SYT10: variants seen among roughly 807,000 people sequenced by gnomAD.
SYT10 encodes synaptotagmin 10.
SYT10 carries 31 observed loss-of-function variants against 51.1 expected under a neutral mutation model. The ratio of observed to expected loss-of-function variants is 0.61; its 90% confidence interval spans 0.46 to 0.82. SYT10 has a LOEUF of 0.82. SYT10 is among the 40% of genes least tolerant of loss of function. SYT10 has a pLI of 0.00. For synonymous variants in SYT10, 233 were observed against 225.9 expected (o/e 1.03, Z -0.28); for missense variants, 603 against 634.0 (o/e 0.95, Z 0.53).
intron 3 of SYT10, among the ~76,000 whole-genome samples, chr12:33,398,627 A>G (rs540673889): frequency 6.6e-6 from 1 of 152,302 alleles, no homozygotes; most frequent in African/African-American, 2.4e-5. Flanking sequence ...GAAAAATGTA[A>G]CACTTAAAAT....
intron 3 of SYT10, among the ~76,000 whole-genome samples, chr12:33,386,131 C>T (rs1189983709): frequency 1.3e-5 from 2 of 152,140 alleles, no homozygotes; most frequent in African/African-American, 4.8e-5. Context: ...AGCAATTCTC[C>T]TGTCTCAGCC....
At chr12:33,397,617 G>A (rs1866267890) in intron 3 of SYT10, among the ~76,000 whole-genome samples, 1 of 152,068 alleles carries the variant, frequency 6.6e-6, no homozygotes, top group Non-Finnish European at 1.5e-5. Context: ...TGAACCTAAA[G>A]ACACACCTAG....
In SYT10 at chr12:33,426,362, C is replaced by G. The variant is rs11052695; in HGVS notation, c.285G>C (p.Thr95=). The change falls in exon 2 of 7, where the codon ACG becomes ACC. Residue 95 remains threonine (T), a synonymous_variant. Transcript: ENST00000228567. Reference sequence around the variant, plus strand: ...GAGCACTTGAAATGCTCTGTGGAAGCGTAGTGATGTTGGAAGTCACAGGTT... The same window carrying G: ...GAGCACTTGAAATGCTCTGTGGAAGGGTAGTGATGTTGGAAGTCACAGGTT... ...KSKPVTSNIT[T]LPQSISSAPT... is the part of the protein sequence containing the mutation. 176,379 of 1,613,778 alleles carry G rather than the reference C, an allele frequency of 0.11. 10,796 individuals carry two copies. The highest frequency in any genetic ancestry group is 0.22 in the Admixed American group (12,936 of 59,966).
chr12:33,380,548 T>C (rs890907415), intron 5 of SYT10, among the ~76,000 whole-genome samples: 1 of 152,234 alleles, frequency 6.6e-6, no homozygotes, highest in Admixed American at 6.5e-5. Context: ...CAGGTCCTGC[T>C]TTCATAGCAA....
At chr12:33,400,588 A>AT (rs1565493923) in intron 3 of SYT10, among the ~76,000 whole-genome samples, 4 of 102,194 alleles carry the variant, frequency 3.9e-5, no homozygotes, top group East Asian at 5.7e-4. Context: ...CAAAAAAAAA[A>AT]ATTTCATTGA....
intron 1 of SYT10, among the ~76,000 whole-genome samples, chr12:33,430,861 AATTT>A: frequency 6.6e-6 from 1 of 152,118 alleles, no homozygotes; most frequent in Non-Finnish European, 1.5e-5. Flanking sequence ...CTTTGAAGTT[AATTT>A]ATTTATACTA....
chr12:33,399,767 T>C (rs1009911945), intron 3 of SYT10, among the ~76,000 whole-genome samples: 9 of 152,200 alleles, frequency 5.9e-5, no homozygotes, highest in Non-Finnish European at 1.2e-4. Flanking sequence ...TGAAGTTAAA[T>C]TTAATTTTAA....
chr12:33,424,372 A>T (rs1020669154), intron 2 of SYT10, among the ~76,000 whole-genome samples: 5 of 152,174 alleles, frequency 3.3e-5, no homozygotes, highest in African/African-American at 1.2e-4. Context: ...GAGTATCCAC[A>T]TATAATCTGT....
intron 3 of SYT10, among the ~76,000 whole-genome samples, chr12:33,396,594 G>C (rs1866257860): frequency 6.6e-6 from 1 of 151,982 alleles, no homozygotes; most frequent in African/African-American, 2.4e-5. Context: ...ATTTTTTCCA[G>C]GCTACTCTTA....
At chr12:33,416,033 T>C (rs1238748524) in intron 2 of SYT10, among the ~76,000 whole-genome samples, 3 of 152,130 alleles carry the variant, frequency 2.0e-5, no homozygotes, top group Admixed American at 1.3e-4. Flanking sequence ...AGCTTGCCAG[T>C]GAAGTAACAG....
At chr12:33,418,853 C>T (rs1866476856) in intron 2 of SYT10, among the ~76,000 whole-genome samples, 2 of 152,314 alleles carry the variant, frequency 1.3e-5, no homozygotes, top group South Asian at 4.1e-4. Context: ...TGTCTATTTT[C>T]AATACAGCAG....
intron 3 of SYT10, among the ~76,000 whole-genome samples, chr12:33,394,322 G>A (rs779077087): frequency 8.5e-5 from 13 of 152,208 alleles, no homozygotes; most frequent in Non-Finnish European, 2.9e-5. Flanking sequence ...GCATAGTCTT[G>A]TATAATATTG....
In SYT10 at chr12:33,426,135, T is replaced by C; in HGVS notation, c.509+3A>G. 1 of 1,592,034 alleles carries C rather than the reference T, an allele frequency of 6.3e-7. No homozygotes were observed. Among genetic ancestry groups the C allele is most frequent in the Non-Finnish European group, 8.5e-7 (1 of 1,172,100 alleles). ...CAGTTTTATATATTTAATCTTTCCT[T>C]ACCGGGTTGATGACGTAGGCTCAGT... On this transcript the variant is annotated splice_donor_region_variant and intron_variant, in intron 2 of 6. Coordinates refer to ENST00000228567, the MANE Select transcript of SYT10 (RefSeq NM_198992.4).
At chr12:33,432,387 G>A (rs1866604637) in intron 1 of SYT10, 1 of 151,978 alleles carries the variant, frequency 6.6e-6, no homozygotes, top group Admixed American at 6.6e-5. Flanking sequence ...ATTGGTGACT[G>A]TATATTACTC....
At chr12:33,388,922 A>C (rs943906718) in intron 3 of SYT10, among the ~76,000 whole-genome samples, 25 of 152,246 alleles carry the variant, frequency 1.6e-4, no homozygotes, top group African/African-American at 5.8e-4. Flanking sequence ...GACTAATAGT[A>C]AAATCAAGCT....
chr12:33,408,561 A>G (rs1866378995), intron 2 of SYT10, among the ~76,000 whole-genome samples: 2 of 152,178 alleles, frequency 1.3e-5, no homozygotes, highest in Non-Finnish European at 1.5e-5. Context: ...CTCAAAGCTT[A>G]GTCCCACGTC....
At chr12:33,391,871 C>G (rs1465464645) in intron 3 of SYT10, among the ~76,000 whole-genome samples, 1 of 152,132 alleles carries the variant, frequency 6.6e-6, no homozygotes, top group Non-Finnish European at 1.5e-5. Context: ...GTCATGACTT[C>G]CGTTAGTTGC....
rs149762592 is a variant in SYT10 at position 33,413,737 on chromosome 12, T to C, written c.510-6381A>G. 9.9e-5 allele frequency among the ~76,000 whole-genome samples: 15 copies of C among 152,192 alleles called. No homozygotes were observed. The East Asian group carries it at 2.7e-3, about 27-fold the overall frequency. Reference sequence around the variant, plus strand: ...CCAGCCACTGCAAAAACATGCCAAATTGTGAAGACCTTCAAGGCTAGGAAG... The same window carrying C: ...CCAGCCACTGCAAAAACATGCCAAACTGTGAAGACCTTCAAGGCTAGGAAG... On this transcript the variant is annotated intron_variant, in intron 2 of 6. Coordinates refer to ENST00000228567, the MANE Select transcript of SYT10 (RefSeq NM_198992.4).
intron 1 of SYT10, among the ~76,000 whole-genome samples, chr12:33,437,122 G>A (rs1866644520): frequency 6.6e-6 from 1 of 152,176 alleles, no homozygotes; most frequent in Non-Finnish European, 1.5e-5. Flanking sequence ...GCAGATTAAA[G>A]TATTTTACTT....
Sources: gnomAD v4.1 joint callset for allele counts (sites outside exome capture counted in the v4.1 genomes callset) on GRCh38, gnomAD v4.1.1 for gene constraint, MANE v1.5 for transcripts, NCBI Gene and HGNC (gene_info 2026-07-23, HGNC 2026-07-21) for gene names.